The following ATP10D variants were observed in gnomAD, a reference collection of about 807,000 sequenced individuals.
ATP10D encodes ATPase phospholipid transporting 10D (putative), also known as phospholipid-transporting ATPase VD.
In ATP10D, 89 loss-of-function variants were observed where a neutral mutation model predicts 144.8. That is an observed-to-expected ratio of 0.61 (90% CI 0.52 to 0.73). The LOEUF (loss-of-function observed/expected upper bound fraction) is 0.73. ATP10D is among the 30% of genes least tolerant of loss of function. ATP10D has a pLI of 0.00. For missense variants in ATP10D, 1,603 were observed against 1,714.8 expected (o/e 0.93, Z 1.15); for synonymous variants, 571 against 615.1 (o/e 0.93, Z 1.06).
At position 47,590,977 on chromosome 4, in the gene ATP10D, G is replaced by T. The variant is rs1371705439; in HGVS notation, c.3942-65G>T. On this transcript the variant is annotated intron_variant, in intron 22 of 22. Transcript: ENST00000273859. The stretch of plus-strand genomic sequence containing the variant: ...TTACTTTTTTAATTCGTTAGTATTT[G>T]GGGGGGGGGGTTCTGTAATGCATTT... 38 of 492,442 alleles carry T rather than the reference G, an allele frequency of 7.7e-5. No individual in the cohort carries two copies. The South Asian group carries it at 1.3e-3, about 16-fold the overall frequency. 30.5% of individuals were successfully genotyped at this position (492,442 alleles called of 1,614,324 possible).
rs567584135 is a variant in ATP10D, at chr4:47,487,121, C to T, written c.-38+1602C>T. Reference sequence around the variant, plus strand: ...GTGCATGCCTGTAATCCCAGCTACTCGGGAGGCTGAGGCAGGAGAATCGCT... The same window carrying T: ...GTGCATGCCTGTAATCCCAGCTACTTGGGAGGCTGAGGCAGGAGAATCGCT... On this transcript the variant is annotated intron_variant, in intron 1 of 22. Coordinates refer to ENST00000273859, the MANE Select transcript of ATP10D (RefSeq NM_020453.4). Among the ~76,000 whole-genome samples, 617 of 149,826 alleles carry T rather than the reference C, an allele frequency of 4.1e-3. 4 individuals carry two copies. Among genetic ancestry groups the T allele is most frequent in the African/African-American group, 0.013 (510 of 40,610 alleles).
At chr4:47,522,981 T>C (rs748200318) in intron 3 of ATP10D, 31 bp from the exon 4 acceptor site, 150 of 514,536 alleles carry the variant, frequency 2.9e-4, no homozygotes, top group Non-Finnish European at 4.1e-4. Context: ...CTTGATATTC[T>C]TTTTTTTTTT....
intron 9 of ATP10D, among the ~76,000 whole-genome samples, chr4:47,542,362 G>C (rs1270857032): frequency 1.3e-5 from 2 of 152,024 alleles, no homozygotes; most frequent in Non-Finnish European, 2.9e-5. Context: ...CTCCCAAAGT[G>C]CTGGGACTAC....
chr4:47,492,843 A>T (rs1367523301), intron 1 of ATP10D, among the ~76,000 whole-genome samples: 1 of 152,190 alleles, frequency 6.6e-6, no homozygotes, highest in Non-Finnish European at 1.5e-5. Context: ...ATCCAGTAAT[A>T]TGCTATATTC....
At chr4:47,572,732 C>A (rs1720024007) in intron 17 of ATP10D, 140 bp from the exon 18 acceptor site, 6 of 1,076,390 alleles carry the variant, frequency 5.6e-6, no homozygotes, top group South Asian at 1.6e-5. Flanking sequence ...ATCCAAAAAA[C>A]TGATTTTCAT....
At chr4:47,510,273 C>G (rs773437724) in intron 1 of ATP10D, among the ~76,000 whole-genome samples, 35 of 152,026 alleles carry the variant, frequency 2.3e-4, no homozygotes, top group Admixed American at 2.0e-4. Flanking sequence ...AGAGTTCTTA[C>G]AAAATGATGA....
At chr4:47,564,835 T>A (rs191277022) in intron 15 of ATP10D, among the ~76,000 whole-genome samples, 1 of 152,372 alleles carries the variant, frequency 6.6e-6, no homozygotes, top group Non-Finnish European at 1.5e-5. Context: ...GCAGTCAGAC[T>A]TAACCAGTGA....
intron 21 of ATP10D, chr4:47,583,357 A>T (rs1474009531): frequency 6.6e-6 from 1 of 152,228 alleles, no homozygotes; most frequent in Non-Finnish European, 1.5e-5. Flanking sequence ...CTGATAACAT[A>T]TGAATTTTAA....
intron 4 of ATP10D, 128 bp downstream of exon 4, chr4:47,523,344 G>A (rs766908217): frequency 2.6e-6 from 2 of 775,618 alleles, no homozygotes; most frequent in East Asian, 2.7e-5. Context: ...AATCCCAGAA[G>A]GTTTCATTCA....
At chr4:47,559,828 C>T (rs556610933) in intron 13 of ATP10D, among the ~76,000 whole-genome samples, 20 of 152,042 alleles carry the variant, frequency 1.3e-4, no homozygotes, top group South Asian at 2.1e-4. Flanking sequence ...GGTGAAACCC[C>T]GTCTCTACTA....
intron 5 of ATP10D, among the ~76,000 whole-genome samples, chr4:47,527,601 A>G (rs1717318126): frequency 6.6e-6 from 1 of 152,202 alleles, no homozygotes; most frequent in Admixed American, 6.5e-5. Context: ...CAGTAATAAA[A>G]CAAACAATAC....
In ATP10D at chr4:47,547,019, A is replaced by G. The variant is rs552963847; in HGVS notation, c.1635+157A>G. 1.5e-3 allele frequency: 981 copies of G among 662,274 alleles called. 1 individual carries two copies. Among genetic ancestry groups the G allele is most frequent in the Middle Eastern group, 2.5e-3 (6 of 2,374 alleles). The allele number at this position is 662,274 out of a possible 1,614,324, so 41.0% of individuals were successfully genotyped here. On this transcript the variant is annotated intron_variant, in intron 10 of 22. Coordinates refer to ENST00000273859, the MANE Select transcript of ATP10D (RefSeq NM_020453.4). ...AAGATCACCACACATAATTAGAAGT[A>G]TAAACAAACAATATCACACTAGTCT...
At chr4:47,560,736 G>A (rs1719251251) in intron 13 of ATP10D, among the ~76,000 whole-genome samples, 2 of 152,134 alleles carry the variant, frequency 1.3e-5, no homozygotes, top group Non-Finnish European at 2.9e-5. Flanking sequence ...CTGAGTTAAA[G>A]GGTCATCCAT....
At chr4:47,574,598 C>T (rs892069631) in intron 18 of ATP10D, among the ~76,000 whole-genome samples, 2 of 152,114 alleles carry the variant, frequency 1.3e-5, no homozygotes, top group Non-Finnish European at 2.9e-5. Flanking sequence ...CTAAGAAAAT[C>T]TATTCTGGCC....
chr4:47,525,510 G>T, intron 4 of ATP10D, 47 bp from the exon 5 acceptor site: 1 of 1,311,944 alleles, frequency 7.6e-7, no homozygotes, highest in African/African-American at 1.5e-5. Flanking sequence ...TCAATATTAA[G>T]GGTTTAACCT....
intron 5 of ATP10D, among the ~76,000 whole-genome samples, chr4:47,530,451 T>C (rs527965499): frequency 6.5e-4 from 48 of 73,810 alleles, no homozygotes; most frequent in Admixed American, 3.9e-3. Context: ...GTTCTTTTTG[T>C]TTGTTTGTTT....
intron 1 of ATP10D, among the ~76,000 whole-genome samples, chr4:47,486,404 T>C (rs570050574): frequency 9.2e-5 from 14 of 152,366 alleles, no homozygotes; most frequent in South Asian, 2.1e-4. Context: ...CAAGTCTGTA[T>C]GGACAGAGCA....
At chr4:47,577,488 G>A (rs1223532237) in intron 19 of ATP10D, among the ~76,000 whole-genome samples, 1 of 152,104 alleles carries the variant, frequency 6.6e-6, no homozygotes, top group Non-Finnish European at 1.5e-5. Flanking sequence ...TTTTTAACTT[G>A]CCTGTGCTGC....
At chr4:47,581,935 A>T in intron 20 of ATP10D, 25 bp from the exon 21 acceptor site, 1 of 1,584,708 alleles carries the variant, frequency 6.3e-7, no homozygotes, top group South Asian at 1.1e-5. Context: ...ACTCTCCAGG[A>T]TCATCTAATG....
Sources: allele counts gnomAD v4.1 joint callset (sites outside exome capture counted in the v4.1 genomes callset), GRCh38; gene constraint gnomAD v4.1.1; transcripts MANE v1.5; gene names NCBI Gene and HGNC (gene_info 2026-07-23, HGNC 2026-07-21).